The following NMUR1 variants were observed in gnomAD, a reference collection of about 807,000 sequenced individuals.
The protein encoded by NMUR1 is neuromedin-U receptor 1.
Under a neutral mutation model 18.8 loss-of-function variants are expected in NMUR1, and 16 were observed. That is an observed-to-expected ratio of 0.85 (90% CI 0.58 to 1.29). The LOEUF (loss-of-function observed/expected upper bound fraction) is 1.29. Among genes scored for constraint, NMUR1 ranks in the 50% most tolerant of loss-of-function variants. The probability of loss-of-function intolerance (pLI) is 0.00; values close to 1 mark genes in which losing one functional copy is unlikely to be tolerated. For synonymous variants in NMUR1, 258 were observed against 258.2 expected, an observed-to-expected ratio of 1.00 and a Z score of 0.01; for missense variants, 529 against 580.3, an observed-to-expected ratio of 0.91 and a Z score of 0.91.
downstream of NMUR1, among the ~76,000 whole-genome samples, chr2:231,522,868 G>A (rs2047319183): frequency 6.6e-6 from 1 of 152,194 alleles, no homozygotes; most frequent in African/African-American, 2.4e-5. Context: ...GCTTCTCCCA[G>A]AACTTGTCCA....
chr2:231,522,288 A>AG (rs111629963), downstream of NMUR1, among the ~76,000 whole-genome samples: 43,187 of 151,176 alleles, frequency 0.29, 6,679 homozygotes, highest in East Asian at 0.5. Context: ...CCCGGCCCAG[A>AG]GGGCACCCTT....
At chr2:231,529,627 G>A (rs1393508741) in intron 1 of NMUR1, among the ~76,000 whole-genome samples, 2 of 152,104 alleles carry the variant, frequency 1.3e-5, no homozygotes, top group African/African-American at 2.4e-5. Context: ...CACTCGTTTG[G>A]GCATCTGTAA....
At chr2:231,529,546 A>G (rs1053934370) in intron 1 of NMUR1, among the ~76,000 whole-genome samples, 2 of 151,892 alleles carry the variant, frequency 1.3e-5, no homozygotes, top group Non-Finnish European at 1.5e-5. Context: ...AAATTTCATG[A>G]TCTATTGGAA....
chr2:231,519,581 C>G (rs866117444), downstream of NMUR1, among the ~76,000 whole-genome samples: 2 of 152,226 alleles, frequency 1.3e-5, no homozygotes, highest in African/African-American at 2.4e-5. Flanking sequence ...TACATTCTTT[C>G]TTTAGAAATG....
Position 231,525,134 on chromosome 2 carries a change from G to T in NMUR1, c.1190C>A (p.Thr397Asn), listed in dbSNP as rs370401496. ...HSLSRMTTGSTLCDVGSLGSW... is the reference protein window; with the variant it reads ...HSLSRMTTGSNLCDVGSLGSW... ...GCCCAGGGAGCCCACATCACACAGG[G>T]TGCTGCCTGTGGTCATCCTGCTGAG... Residue 397 changes from threonine (T) to asparagine (N), a missense_variant, in exon 3 of 3, where the codon ACC (threonine) becomes AAC (asparagine). Thr to Asn is a moderately conservative substitution (Grantham distance 65, BLOSUM62 0). Coordinates refer to ENST00000305141, the MANE Select transcript of NMUR1 (RefSeq NM_006056.5). The T allele has an allele frequency of 4.3e-6, 7 of 1,613,950 alleles. No individual in the cohort carries two copies. Among genetic ancestry groups the T allele is most frequent in the Non-Finnish European group, 5.1e-6 (6 of 1,180,002 alleles).
downstream of NMUR1, among the ~76,000 whole-genome samples, chr2:231,520,911 A>G (rs570389766): frequency 6.6e-6 from 1 of 152,350 alleles, no homozygotes; most frequent in Admixed American, 6.5e-5. Context: ...TTTCAAGGAA[A>G]TTAAGCCTTT....
intron 2 of NMUR1, among the ~76,000 whole-genome samples, chr2:231,527,472 G>A (rs1324394036): frequency 4.6e-5 from 7 of 151,972 alleles, no homozygotes; most frequent in Non-Finnish European, 4.4e-5. Flanking sequence ...GTGAGACCCC[G>A]TCTCTACAAA....
At chr2:231,522,295 C>A (rs867587260), downstream of NMUR1, among the ~76,000 whole-genome samples, 2 of 151,820 alleles carry the variant, frequency 1.3e-5, no homozygotes, top group African/African-American at 2.4e-5. Context: ...CAGAGGGCAC[C>A]CTTCTAACAA....
chr2:231,519,851 G>A (rs1032017504), downstream of NMUR1, among the ~76,000 whole-genome samples: 6 of 152,142 alleles, frequency 3.9e-5, no homozygotes, highest in Non-Finnish European at 8.8e-5. Context: ...CAGCACTTTG[G>A]GAGGCCAAGG....
At chr2:231,519,153 A>T (rs1414802761), downstream of NMUR1, among the ~76,000 whole-genome samples, 1 of 152,240 alleles carries the variant, frequency 6.6e-6, no homozygotes, top group Non-Finnish European at 1.5e-5. Context: ...TGTGTTGCTT[A>T]GAGCTGAAGA....
chr2:231,520,588 C>A (rs1023019415), downstream of NMUR1, among the ~76,000 whole-genome samples: 1 of 152,232 alleles, frequency 6.6e-6, no homozygotes, highest in South Asian at 2.1e-4. Flanking sequence ...CCCTCTCCCC[C>A]ACAAGGCAAC....
downstream of NMUR1, among the ~76,000 whole-genome samples, chr2:231,518,858 C>G (rs1384075908): frequency 6.6e-6 from 1 of 152,148 alleles, no homozygotes; most frequent in Non-Finnish European, 1.5e-5. Context: ...ATCCCTCATT[C>G]CCTTTAGGCT....
Position 231,524,306 on chromosome 2 carries a change from A to C in NMUR1, c.*737T>G, listed in dbSNP as rs1431364265. On this transcript the variant is annotated 3_prime_UTR_variant, in exon 3 of 3. Coordinates refer to ENST00000305141, the MANE Select transcript of NMUR1 (RefSeq NM_006056.5). The stretch of plus-strand genomic sequence containing the variant: ...GGTGGCTCATGCCTGTAATCCGAGG[A>C]CTTTGGGAGGCCGAGGTCGGCGGAT... 1.3e-5 allele frequency: 2 copies of C among 152,142 alleles called. No homozygotes were observed. Among genetic ancestry groups the C allele is most frequent in the African/African-American group, 4.8e-5 (2 of 41,402 alleles). 9.4% of individuals were successfully genotyped at this position (152,142 alleles called of 1,614,324 possible). A position where few individuals can be genotyped will look rare whatever the true frequency, so the allele number is the denominator to read the frequency against.
At position 231,528,364 on chromosome 2, in the gene NMUR1, G is replaced by A. The variant is rs746599855; in HGVS notation, c.657C>T (p.Cys219=). 1.2e-6 allele frequency: 2 copies of A among 1,613,734 alleles called. No homozygotes were observed. The highest frequency in any genetic ancestry group is 1.7e-6 in the Non-Finnish European group (2 of 1,179,908). The change falls in exon 2 of 3, where the codon TGC becomes TGT. Residue 219 remains cysteine (C), a synonymous_variant. Transcript: ENST00000305141. ...AGAGGGCCCGTGGGCGGACCAGCAT[G>A]CAAACAGCTGAGTCTGGCACTGGGC... ...CRGPVPDSAV[C]MLVRPRALYN... is the part of the protein sequence containing the mutation.
At chr2:231,527,096 C>T (rs1463753920) in intron 2 of NMUR1, among the ~76,000 whole-genome samples, 1 of 152,104 alleles carries the variant, frequency 6.6e-6, no homozygotes, top group Non-Finnish European at 1.5e-5. Flanking sequence ...CTCCAACACC[C>T]TCCTCCCCTT....
intron 1 of NMUR1, among the ~76,000 whole-genome samples, chr2:231,529,482 G>A (rs972061009): frequency 9.8e-5 from 14 of 143,552 alleles, no homozygotes; most frequent in East Asian, 3.9e-4. Flanking sequence ...AGCAAACAAC[G>A]AAAAAGTAAA....
intron 2 of NMUR1, 49 bp downstream of exon 2, chr2:231,528,074 C>T (rs1304487041): frequency 1.3e-6 from 2 of 1,510,554 alleles, no homozygotes; most frequent in Non-Finnish European, 1.8e-6. Flanking sequence ...GAGCCCCAAA[C>T]TCATACCCAG....
chr2:231,521,634 AG>A (rs1488654060), downstream of NMUR1, among the ~76,000 whole-genome samples: 1 of 152,140 alleles, frequency 6.6e-6, no homozygotes, highest in African/African-American at 2.4e-5. Flanking sequence ...GAGGGGAAGT[AG>A]AAAGGGCCTG....
At chr2:231,521,597 A>C (rs565765644), downstream of NMUR1, among the ~76,000 whole-genome samples, 7 of 152,250 alleles carry the variant, frequency 4.6e-5, no homozygotes, top group East Asian at 1.2e-3. Flanking sequence ...CTCTGACGTC[A>C]CCCAGGAAAG....
Sources: allele counts gnomAD v4.1 joint callset (sites outside exome capture counted in the v4.1 genomes callset), GRCh38; gene constraint gnomAD v4.1.1; transcripts MANE v1.5; gene names NCBI Gene and HGNC (gene_info 2026-07-23, HGNC 2026-07-21).